Variants in TMCO5A observed in about 807,000 individuals in gnomAD.
The protein encoded by TMCO5A is transmembrane and coiled-coil domain-containing protein 5A.
TMCO5A carries 34 observed loss-of-function variants against 42.3 expected under a neutral mutation model. That is an observed-to-expected ratio of 0.80 (90% CI 0.61 to 1.07). The LOEUF (loss-of-function observed/expected upper bound fraction) is 1.07. TMCO5A is among the 50% of genes least tolerant of loss of function. TMCO5A has a pLI of 0.00. For synonymous variants in TMCO5A, 131 were observed against 115.6 expected (o/e 1.13, Z -0.86); for missense variants, 357 against 327.9 (o/e 1.09, Z -0.69).
At chr15:38,009,884 A>C in the TMCO5A span, among the ~76,000 whole-genome samples, 1 of 152,230 alleles carries the variant, frequency 6.6e-6, no homozygotes, top group African/African-American at 2.4e-5. Context: ...ATGAGCTTTA[A>C]AACAGTAGGT....
At chr15:37,972,039 G>C (rs911603119), downstream of TMCO5A, among the ~76,000 whole-genome samples, 1 of 152,044 alleles carries the variant, frequency 6.6e-6, no homozygotes, top group African/African-American at 2.4e-5. Context: ...CACTCTACTG[G>C]TACCAATTTA....
chr15:37,968,701 G>C (rs191643996), downstream of TMCO5A, among the ~76,000 whole-genome samples: 598 of 150,722 alleles, frequency 4.0e-3, 3 homozygotes, highest in Non-Finnish European at 5.8e-3. Context: ...TCCTGCCTCA[G>C]CCTCCCAAGT....
chr15:37,988,137 C>T, the TMCO5A span, among the ~76,000 whole-genome samples: 1 of 151,318 alleles, frequency 6.6e-6, no homozygotes, highest in African/African-American at 2.4e-5. Context: ...TTATTAATTT[C>T]CTCTTCAGAT....
At chr15:37,949,145 A>T (rs1890068859) in intron 11 of TMCO5A, among the ~76,000 whole-genome samples, 3 of 152,106 alleles carry the variant, frequency 2.0e-5, no homozygotes, top group South Asian at 4.1e-4. Context: ...ATCAGTTGAA[A>T]GAAAAAAAAA....
At chr15:37,987,517 T>C in the TMCO5A span, among the ~76,000 whole-genome samples, 1 of 152,038 alleles carries the variant, frequency 6.6e-6, no homozygotes, top group Non-Finnish European at 1.5e-5. Flanking sequence ...AGGCTTTTGA[T>C]CCATTTTGAG....
At chr15:38,011,658 G>A in the TMCO5A span, among the ~76,000 whole-genome samples, 12 of 152,208 alleles carry the variant, frequency 7.9e-5, no homozygotes, top group Admixed American at 2.0e-4. Context: ...TAGAATGCAG[G>A]ACTGTTAATA....
the TMCO5A span, among the ~76,000 whole-genome samples, chr15:38,031,699 G>A: frequency 2.0e-5 from 3 of 152,106 alleles, no homozygotes; most frequent in Non-Finnish European, 2.9e-5. Context: ...GCAACCCCAT[G>A]AGAGACCTTG....
At chr15:38,017,535 A>C in the TMCO5A span, among the ~76,000 whole-genome samples, 1,544 of 152,220 alleles carry the variant, frequency 0.01, 20 homozygotes, top group African/African-American at 0.034. Flanking sequence ...AAGGAAAAGG[A>C]AAAAAGCACT....
chr15:38,035,059 G>A, the TMCO5A span, among the ~76,000 whole-genome samples: 1 of 152,178 alleles, frequency 6.6e-6, no homozygotes, highest in East Asian at 1.9e-4. Flanking sequence ...TTGGGAGTAT[G>A]GATAGAGCTT....
chr15:38,021,159 GAC>G, the TMCO5A span, among the ~76,000 whole-genome samples: 1 of 152,104 alleles, frequency 6.6e-6, no homozygotes, highest in Non-Finnish European at 1.5e-5. Context: ...TTAAAATAAG[GAC>G]AGACTAAGAT....
rs558785529 is a variant in TMCO5A at position 37,965,830 on chromosome 15, A to G, written c.669-795A>G. 1.8e-4 allele frequency among the ~76,000 whole-genome samples: 27 copies of G among 152,314 alleles called. No individual in the cohort carries two copies. The East Asian group carries it at 4.1e-3, about 23-fold the overall frequency. ...GGGAATGTAAGTTAGTACAACCACT[A>G]TGGAGAACAGTTTGGAGGTTCCTCA... is the stretch of plus-strand genomic sequence containing the variant. On this transcript the variant is annotated intron_variant, in intron 11 of 11. Transcript: ENST00000559502.
downstream of TMCO5A, among the ~76,000 whole-genome samples, chr15:37,953,075 G>A (rs1340236751): frequency 1.3e-5 from 2 of 152,162 alleles, no homozygotes; most frequent in Non-Finnish European, 2.9e-5. Context: ...GACTTCTAAA[G>A]CTCTTGACTC....
chr15:37,971,529 C>T (rs922448600), downstream of TMCO5A, among the ~76,000 whole-genome samples: 1 of 152,218 alleles, frequency 6.6e-6, no homozygotes, highest in Non-Finnish European at 1.5e-5. Flanking sequence ...CAAATTTCTG[C>T]AGCTGCCTTG....
intron 6 of TMCO5A, among the ~76,000 whole-genome samples, chr15:37,938,508 A>G (rs1889612908): frequency 6.6e-6 from 1 of 152,126 alleles, no homozygotes; most frequent in African/African-American, 2.4e-5. Flanking sequence ...AAAGCCACAG[A>G]AAATAATTTG....
At chr15:37,940,588 A>C (rs1347345362) in intron 6 of TMCO5A, among the ~76,000 whole-genome samples, 1 of 152,110 alleles carries the variant, frequency 6.6e-6, no homozygotes, top group African/African-American at 2.4e-5. Context: ...TATCATGTAG[A>C]TGTATTTGTT....
the TMCO5A span, among the ~76,000 whole-genome samples, chr15:38,020,001 T>A: frequency 1.6e-3 from 232 of 149,592 alleles, 5 homozygotes; most frequent in South Asian, 0.043. Context: ...ATTAAAAAAA[T>A]TTTTTTTTAG....
the TMCO5A span, among the ~76,000 whole-genome samples, chr15:38,012,931 C>T: frequency 1.3e-5 from 2 of 152,050 alleles, no homozygotes; most frequent in Admixed American, 1.3e-4. Flanking sequence ...AATGAGAGAA[C>T]CCAAAGAAGG....
At chr15:37,977,864 T>C in the TMCO5A span, among the ~76,000 whole-genome samples, 1 of 152,152 alleles carries the variant, frequency 6.6e-6, no homozygotes, top group African/African-American at 2.4e-5. Context: ...GTGGGGCAGC[T>C]GTGTGGGCTT....
rs1889537558 is a variant in TMCO5A, at chr15:37,936,955, A to C, written c.249A>C (p.Glu83Asp). 1.2e-6 allele frequency: 2 copies of C among 1,612,156 alleles called. No homozygotes were observed. Among genetic ancestry groups the C allele is most frequent in the South Asian group, 2.2e-5 (2 of 91,026 alleles). Reference sequence around the variant, plus strand: ...AAAGAGCCTTGCAGGAGCTGGAGGAAGAAACAGCCAGACTTGTAAGCAAGA... The same window carrying C: ...AAAGAGCCTTGCAGGAGCTGGAGGACGAAACAGCCAGACTTGTAAGCAAGA... The part of the protein sequence containing the change: ...ERERALQELE[E>D]ETARLERKNK... The change falls in exon 4 of 12, where the codon GAA (glutamate) becomes GAC (aspartate). Residue 83 changes from glutamate to aspartate, a missense_variant. Transcript: ENST00000319669.
Sources: allele counts gnomAD v4.1 joint callset (sites outside exome capture counted in the v4.1 genomes callset), GRCh38; gene constraint gnomAD v4.1.1; transcripts MANE v1.5; gene names NCBI Gene and HGNC (gene_info 2026-07-23, HGNC 2026-07-21).